Variants in MAGI2 observed in about 807,000 individuals in gnomAD.
The protein encoded by MAGI2 is membrane-associated guanylate kinase, WW and PDZ domain-containing protein 2.
In MAGI2, 35 loss-of-function variants were observed where a neutral mutation model predicts 133.3. The observed-to-expected ratio is 0.26, with a 90% CI of 0.20 to 0.35. The LOEUF (loss-of-function observed/expected upper bound fraction) is 0.35. Among genes scored for constraint, MAGI2 ranks in the 10% least tolerant of loss-of-function variants. The pLI is 1.00. For synonymous variants in MAGI2, 729 were observed against 710.6 expected (o/e 1.03, Z -0.41); for missense variants, 1,636 against 1,863.4 (o/e 0.88, Z 2.25).
intron 3 of MAGI2, among the ~76,000 whole-genome samples, chr7:78,522,628 C>T (rs1250418738): frequency 6.6e-6 from 1 of 152,156 alleles, no homozygotes; most frequent in Non-Finnish European, 1.5e-5. Flanking sequence ...GATCCGCCTG[C>T]CTCGGCCCCC....
intron 2 of MAGI2, among the ~76,000 whole-genome samples, chr7:78,896,224 T>C (rs1797203252): frequency 6.6e-6 from 1 of 152,124 alleles, no homozygotes; most frequent in African/African-American, 2.4e-5. Context: ...TTTCAGAATC[T>C]ATTTCACTTT....
intron 7 of MAGI2, chr7:78,352,807 G>C (rs563385186): frequency 6.6e-6 from 1 of 152,220 alleles, no homozygotes; most frequent in Admixed American, 6.5e-5. Context: ...CGTAATGCTA[G>C]TTATTTAGTT....
chr7:78,968,306 T>A (rs528468829), intron 2 of MAGI2, among the ~76,000 whole-genome samples: 63 of 152,224 alleles, frequency 4.1e-4, no homozygotes, highest in African/African-American at 1.5e-3. Context: ...GAGATTTTGA[T>A]AGAAATTGCA....
intron 2 of MAGI2, among the ~76,000 whole-genome samples, chr7:78,664,536 A>C (rs1217274551): frequency 1.3e-5 from 2 of 152,134 alleles, no homozygotes; most frequent in East Asian, 1.9e-4. Context: ...AGCTTTATGC[A>C]CTAGTATGTT....
chr7:78,973,719 G>A (rs1803986564), intron 2 of MAGI2, among the ~76,000 whole-genome samples: 1 of 151,786 alleles, frequency 6.6e-6, no homozygotes, highest in Admixed American at 6.6e-5. Flanking sequence ...GGCATAACAA[G>A]AAGGGACACT....
intron 2 of MAGI2, among the ~76,000 whole-genome samples, chr7:78,870,786 T>C (rs961727370): frequency 3.3e-5 from 5 of 152,134 alleles, no homozygotes; most frequent in African/African-American, 4.8e-5. Flanking sequence ...TGCAAAAATA[T>C]GGAGCCAGCC....
chr7:78,987,393 T>C (rs1805366733), intron 2 of MAGI2, among the ~76,000 whole-genome samples: 1 of 152,098 alleles, frequency 6.6e-6, no homozygotes, highest in African/African-American at 2.4e-5. Flanking sequence ...TGCTGATTAT[T>C]TTCCGTACAT....
At chr7:79,187,693 G>A (rs991488841) in intron 1 of MAGI2, among the ~76,000 whole-genome samples, 1 of 151,712 alleles carries the variant, frequency 6.6e-6, no homozygotes, top group South Asian at 2.1e-4. Context: ...AAATTTTACG[G>A]ATTTATGGTT....
At chr7:79,046,009 G>A (rs1343080805) in intron 1 of MAGI2, among the ~76,000 whole-genome samples, 2 of 152,108 alleles carry the variant, frequency 1.3e-5, no homozygotes, top group Non-Finnish European at 2.9e-5. Context: ...TAACTACTGG[G>A]GAAAAATTTG....
intron 1 of MAGI2, among the ~76,000 whole-genome samples, chr7:79,436,281 G>A (rs1378317050): frequency 1.3e-5 from 2 of 148,980 alleles, no homozygotes; most frequent in Non-Finnish European, 3.0e-5. Context: ...TTCTGGACAT[G>A]AGCCTTGACA....
rs1236274351 is a variant in MAGI2, at chr7:78,407,666, TTTTA to T, written c.1046-38457_1046-38454del. On this transcript the variant is annotated intron_variant, in intron 6 of 21. Coordinates refer to ENST00000354212, the MANE Select transcript of MAGI2 (RefSeq NM_012301.4). ...GCAGCTTCTTCTACTTTTTTTTTTTTTTTAAATTCCAACGTATTTACTCAATATT... is the reference window on the plus strand; with the variant it reads ...GCAGCTTCTTCTACTTTTTTTTTTTTAATTCCAACGTATTTACTCAATATT... Among the ~76,000 whole-genome samples, 809 of 120,826 alleles carry T rather than the reference TTTTA, an allele frequency of 6.7e-3. 6 individuals carry two copies. Among genetic ancestry groups the T allele is most frequent in the South Asian group, 0.027 (104 of 3,916 alleles). The allele number at this position is 120,826 out of a possible 152,430, so 79.3% of individuals were successfully genotyped here. A position where few individuals can be genotyped will look rare whatever the true frequency, so the allele number is the denominator to read the frequency against.
At chr7:78,336,702 G>C (rs1376121790) in intron 9 of MAGI2, among the ~76,000 whole-genome samples, 7 of 151,972 alleles carry the variant, frequency 4.6e-5, no homozygotes, top group Non-Finnish European at 1.0e-4. Flanking sequence ...TCCAGCCTGG[G>C]TGACAGAATG....
At chr7:79,011,899 T>G (rs1808151018) in intron 1 of MAGI2, among the ~76,000 whole-genome samples, 1 of 137,584 alleles carries the variant, frequency 7.3e-6, no homozygotes, top group African/African-American at 2.8e-5. Flanking sequence ...CTTCCTTCCT[T>G]CCTTCCTTCC....
intron 1 of MAGI2, among the ~76,000 whole-genome samples, chr7:79,254,931 G>C (rs1314724006): frequency 6.6e-6 from 1 of 152,136 alleles, no homozygotes; most frequent in Non-Finnish European, 1.5e-5. Flanking sequence ...AAGTTCACGG[G>C]AGAGAGGCAC....
rs558605471 is a variant in MAGI2, at chr7:78,064,040, T to A, written c.3706+14907A>T. Among the ~76,000 whole-genome samples the A allele has an allele frequency of 1.4e-4, 21 of 152,314 alleles. No individual in the cohort carries two copies. The East Asian group carries it at 3.9e-3, about 28-fold the overall frequency. ...ATTGACTCAGGCCTCCTCATCCCCA[T>A]GGATTACAGACTAGTTAAAGTAAAT... On this transcript the variant is annotated intron_variant, in intron 21 of 21. Coordinates refer to ENST00000354212, the MANE Select transcript of MAGI2 (RefSeq NM_012301.4).
At chr7:78,614,300 AAAAAG>A (rs1435324426) in intron 3 of MAGI2, 2 of 151,848 alleles carry the variant, frequency 1.3e-5, no homozygotes, top group African/African-American at 4.8e-5. Context: ...AAAAAAAAAA[AAAAAG>A]AAGCAGAGAA....
chr7:79,416,917 A>G (rs1846572368), intron 1 of MAGI2, among the ~76,000 whole-genome samples: 2 of 151,428 alleles, frequency 1.3e-5, no homozygotes, highest in African/African-American at 2.4e-5. Context: ...GTATTTTAGT[A>G]GAGACGGAGT....
At chr7:78,537,218 C>T (rs1462187504) in intron 3 of MAGI2, among the ~76,000 whole-genome samples, 5 of 150,650 alleles carry the variant, frequency 3.3e-5, no homozygotes, top group Non-Finnish European at 7.4e-5. Context: ...GACACATTTT[C>T]TTTATCCACT....
chr7:79,021,975 G>A (rs1004080045), intron 1 of MAGI2, among the ~76,000 whole-genome samples: 3 of 152,126 alleles, frequency 2.0e-5, no homozygotes, highest in Non-Finnish European at 4.4e-5. Flanking sequence ...GTTCTCTCAA[G>A]ATCTGATGGC....
Sources: gnomAD v4.1 joint callset for allele counts (sites outside exome capture counted in the v4.1 genomes callset) on GRCh38, gnomAD v4.1.1 for gene constraint, MANE v1.5 for transcripts, NCBI Gene and HGNC (gene_info 2026-07-23, HGNC 2026-07-21) for gene names.